The following LFNG variants were observed in gnomAD, a reference collection of about 807,000 sequenced individuals.
LFNG encodes LFNG O-fucosylpeptide 3-beta-N-acetylglucosaminyltransferase.
LFNG carries 15 observed loss-of-function variants against 32.7 expected under a neutral mutation model. The ratio of observed to expected loss-of-function variants is 0.46; its 90% CI spans 0.31 to 0.71. The LOEUF is 0.71. Ranked by LOEUF, LFNG falls within the 30% of genes least tolerant of loss-of-function variation. The probability of loss-of-function intolerance (pLI) is 0.06; values close to 1 mark genes in which losing one functional copy is unlikely to be tolerated. For missense variants in LFNG, 520 were observed against 545.7 expected, an observed-to-expected ratio of 0.95 and a Z score of 0.47; for synonymous variants, 274 against 246.8, an observed-to-expected ratio of 1.11 and a Z score of -1.03.
upstream of LFNG, among the ~76,000 whole-genome samples, chr7:2,518,397 C>T (rs1175090835): frequency 6.6e-6 from 1 of 152,152 alleles, no homozygotes; most frequent in Non-Finnish European, 1.5e-5. Flanking sequence ...CACCACCCAG[C>T]GGGTACAGGG....
chr7:2,512,876 C>T (rs1779526256), upstream of LFNG, among the ~76,000 whole-genome samples: 2 of 152,070 alleles, frequency 1.3e-5, no homozygotes, highest in African/African-American at 4.8e-5. Context: ...CTGTGCCTGA[C>T]CACACAACCT....
chr7:2,518,685 C>A (rs563200364), upstream of LFNG: 43 of 1,511,970 alleles, frequency 2.8e-5, no homozygotes, highest in South Asian at 5.3e-4. Flanking sequence ...AGTTTAGCCA[C>A]GGTGGTGGCG....
chr7:2,518,967 G>A (rs1779700194), upstream of LFNG, among the ~76,000 whole-genome samples: 3 of 152,154 alleles, frequency 2.0e-5, no homozygotes, highest in South Asian at 4.1e-4. Context: ...AGGCGGGGTG[G>A]GGAGGGCGCA....
At position 2,527,729 on chromosome 7, in the gene LFNG, C is replaced by T; in HGVS notation, c.*517C>T. 2 of 1,045,150 alleles carry T rather than the reference C, an allele frequency of 1.9e-6. No individual in the cohort carries two copies. Among genetic ancestry groups the T allele is most frequent in the Non-Finnish European group, 2.3e-6 (2 of 864,104 alleles). 64.7% of individuals were successfully genotyped at this position (1,045,150 alleles called of 1,614,324 possible). A position where few individuals can be genotyped will look rare whatever the true frequency, so the allele number is the denominator to read the frequency against. On this transcript the variant is annotated 3_prime_UTR_variant, in exon 8 of 8. Coordinates refer to ENST00000222725, the MANE Select transcript of LFNG (RefSeq NM_001040167.2). The surrounding 1 kb of genome is among the most constrained non-coding windows in gnomAD (Gnocchi z 4.4). ...GTCTGGGGGTGCGTGACCCAATCCC[C>T]TTCCTCCTGGCCTGGACGCTGTGGC... is the stretch of plus-strand genomic sequence containing the variant.
Position 2,527,298 on chromosome 7 carries a change from C to G in LFNG, c.*86C>G, listed in dbSNP as rs1332194819. 1 of 1,570,546 alleles carries G rather than the reference C, an allele frequency of 6.4e-7. No individual in the cohort carries two copies. The highest frequency in any genetic ancestry group is 1.4e-5 in the African/African-American group (1 of 73,860). On this transcript the variant is annotated 3_prime_UTR_variant, in exon 8 of 8. Transcript: ENST00000222725. This position sits in a 1 kb window ranked among gnomAD's most constrained non-coding sequence, Gnocchi z 4.4. Reference sequence around the variant, plus strand: ...GTTGCGCTGCCCTGGCCTCGGCATTCGAGGCTCCCCTAGGGCCGTGCCTGT... The same window carrying G: ...GTTGCGCTGCCCTGGCCTCGGCATTGGAGGCTCCCCTAGGGCCGTGCCTGT...
At chr7:2,514,041 G>T (rs1171015807), upstream of LFNG, among the ~76,000 whole-genome samples, 1 of 152,250 alleles carries the variant, frequency 6.6e-6, no homozygotes, top group Non-Finnish European at 1.5e-5. Context: ...AACAGTTAGA[G>T]TGAGACCCCC....
Position 2,520,114 on chromosome 7 carries a change from C to CGA in LFNG, c.254_255insAG (p.Arg86AlafsTer60). The CGA allele has an allele frequency of 7.4e-7, 1 of 1,350,626 alleles. No homozygotes were observed. The highest frequency in any genetic ancestry group is 9.6e-7 in the Non-Finnish European group (1 of 1,041,312). 83.7% of individuals were successfully genotyped at this position (1,350,626 alleles called of 1,614,324 possible). On this transcript the variant is annotated frameshift_variant, in exon 1 of 8. Coordinates refer to ENST00000222725, the MANE Select transcript of LFNG (RefSeq NM_001040167.2). LOFTEE classifies it high-confidence loss of function. This position sits in a 1 kb window ranked among gnomAD's most constrained non-coding sequence, Gnocchi z 5.0. Reference sequence around the variant, plus strand: ...GTACTTCAGCCTGCTCACCCGCGCGCGCAGAGATGCGGGCCCGCCGCCCGG... The same window carrying CGA: ...GTACTTCAGCCTGCTCACCCGCGCGCGAGCAGAGATGCGGGCCCGCCGCCCGG...
chr7:2,527,517 G>A lies in LFNG; in HGVS notation c.*305G>A. The A allele has an allele frequency of 7.5e-7, 1 of 1,333,488 alleles. No homozygotes were observed. The highest frequency in any genetic ancestry group is 9.7e-7 in the Non-Finnish European group (1 of 1,034,178). 82.6% of individuals were successfully genotyped at this position (1,333,488 alleles called of 1,614,324 possible). A position where few individuals can be genotyped will look rare whatever the true frequency, so the allele number is the denominator to read the frequency against. ...GGCCACTCCGAGGGCAATTCTGTTA[G>A]GATTTTTGGATCTTTCTACAGCTAC... On this transcript the variant is annotated 3_prime_UTR_variant, in exon 8 of 8. Coordinates refer to ENST00000222725, the MANE Select transcript of LFNG (RefSeq NM_001040167.2). This position sits in a 1 kb window ranked among gnomAD's most constrained non-coding sequence, Gnocchi z 4.4.
chr7:2,526,208 C>T lies in LFNG; in HGVS notation c.822-36C>T. 1 of 1,610,852 alleles carries T rather than the reference C, an allele frequency of 6.2e-7. No homozygotes were observed. The highest frequency in any genetic ancestry group is 8.5e-7 in the Non-Finnish European group (1 of 1,179,546). ...CCCAGCTCCCAGCAGATGGCTCCCG[C>T]CTCTGCTCACTGGTCTGGGCCCTTC... On this transcript the variant is annotated intron_variant, in intron 5 of 7. Transcript: ENST00000222725. The surrounding 1 kb of genome is among the most constrained non-coding windows in gnomAD (Gnocchi z 6.9).
upstream of LFNG, among the ~76,000 whole-genome samples, chr7:2,516,603 AGAG>A (rs1779633823): frequency 6.6e-6 from 1 of 152,194 alleles, no homozygotes; most frequent in South Asian, 2.1e-4. Context: ...GATGGCGGCT[AGAG>A]GAGGAGGGTA....
intron 1 of LFNG, among the ~76,000 whole-genome samples, chr7:2,524,314 T>C (rs983612733): frequency 1.3e-5 from 2 of 151,830 alleles, no homozygotes; most frequent in Non-Finnish European, 2.9e-5. Flanking sequence ...CTGGGTGCTG[T>C]GTCAATAAGG....
At chr7:2,523,286 A>G (rs1248640498) in intron 1 of LFNG, among the ~76,000 whole-genome samples, 1 of 152,028 alleles carries the variant, frequency 6.6e-6, no homozygotes, top group Non-Finnish European at 1.5e-5. Flanking sequence ...TGGGGTGTCT[A>G]TGGGTGCTGC....
chr7:2,525,094 G>A (rs1779917563), intron 2 of LFNG, 125 bp from the exon 3 acceptor site: 33 of 869,170 alleles, frequency 3.8e-5, no homozygotes, highest in Non-Finnish European at 4.6e-5. Context: ...GGGAGGCTAC[G>A]GCCGCCGGGC....
At position 2,527,129 on chromosome 7, in the gene LFNG, C is replaced by G; in HGVS notation, c.1074-17C>G. 6.2e-7 allele frequency: 1 copy of G among 1,611,566 alleles called. No homozygotes were observed. The highest frequency in any genetic ancestry group is 8.5e-7 in the Non-Finnish European group (1 of 1,179,158). ...GCCTGCCACCCACGCAGACCAGCCC[C>G]TGCTCTGTTCCCACAGGTTCCGCTC... On this transcript the variant is annotated splice_polypyrimidine_tract_variant and intron_variant, in intron 7 of 7. Transcript: ENST00000222725. This position sits in a 1 kb window ranked among gnomAD's most constrained non-coding sequence, Gnocchi z 4.4.
chr7:2,524,260 ACCCCGCCTGTC>A (rs371972906), intron 1 of LFNG, among the ~76,000 whole-genome samples: 116 of 151,270 alleles, frequency 7.7e-4, no homozygotes, highest in African/African-American at 2.6e-3. Flanking sequence ...CCCTCCCGCC[ACCCCGCCTGTC>A]CCCCGCCTTT....
intron 2 of LFNG, among the ~76,000 whole-genome samples, 193 bp downstream of exon 2, chr7:2,524,936 T>C (rs1779909621): frequency 6.6e-6 from 1 of 152,168 alleles, no homozygotes. Flanking sequence ...ATGAAGCCCA[T>C]TCAGCCCCCC....
In LFNG at chr7:2,512,658, G is replaced by A. The variant is rs768084728; in HGVS notation, c.4G>A (p.Asp2Asn). 14 of 1,613,814 alleles carry A rather than the reference G, an allele frequency of 8.7e-6. No homozygotes were observed. The East Asian group carries it at 3.1e-4, about 36-fold the overall frequency. The stretch of plus-strand genomic sequence containing the variant: ...CAAGGACCCAAAGCTCAGAGGGATG[G>A]ATGAACAGACAGGAAGGCTCAGGCT... Residue 2 changes from aspartate (D) to asparagine (N), a missense_variant, in exon 1 of 9, where the codon GAT (aspartate) becomes AAT (asparagine). Asp to Asn is a conservative substitution (Grantham distance 23, BLOSUM62 1). Coordinates refer to the LFNG transcript ENST00000402506.
intron 1 of LFNG, 69 bp from the exon 2 acceptor site, chr7:2,524,626 C>A: frequency 6.9e-7 from 1 of 1,457,280 alleles, no homozygotes; most frequent in Non-Finnish European, 9.4e-7. Flanking sequence ...GCGCCCCGTC[C>A]GGCCCCCACA....
rs1048561588 is a variant in LFNG, at chr7:2,519,798, G to T, written c.-64G>T. 1.0e-6 allele frequency: 1 copy of T among 953,046 alleles called. No individual in the cohort carries two copies. Among genetic ancestry groups the T allele is most frequent in the Non-Finnish European group, 1.3e-6 (1 of 791,440 alleles). 59.0% of individuals were successfully genotyped at this position (953,046 alleles called of 1,614,324 possible). A position where few individuals can be genotyped will look rare whatever the true frequency, so the allele number is the denominator to read the frequency against. ...TGCTGGACTGCGCCGCCGGAGCGAC[G>T]GGCTTCGGGTCGGTGCAAGGCAGGC... On this transcript the variant is annotated 5_prime_UTR_variant, in exon 1 of 8. Transcript: ENST00000222725.
Sources: allele counts gnomAD v4.1 joint callset (sites outside exome capture counted in the v4.1 genomes callset), GRCh38; gene constraint gnomAD v4.1.1; non-coding constraint Gnocchi (gnomAD v3.1); transcripts MANE v1.5; gene names NCBI Gene and HGNC (gene_info 2026-07-23, HGNC 2026-07-21).